The following HMGB1 variants were observed in gnomAD, a reference collection of about 807,000 sequenced individuals.
The protein encoded by HMGB1 is high mobility group box 1.
For synonymous variants in HMGB1, 81 were observed against 84.0 expected, an observed-to-expected ratio of 0.96 and a Z score of 0.19; for missense variants, 79 against 253.5, an observed-to-expected ratio of 0.31 and a Z score of 4.67.
intron 1 of HMGB1, among the ~76,000 whole-genome samples, chr13:30,496,390 G>A (rs1458102659): frequency 2.0e-5 from 3 of 152,292 alleles, no homozygotes; most frequent in Admixed American, 6.5e-5. Context: ...GGGCCTCCCC[G>A]CTGCACCCTC....
intron 1 of HMGB1, among the ~76,000 whole-genome samples, chr13:30,534,619 T>TC (rs1466573594): frequency 2.1e-5 from 3 of 144,908 alleles, no homozygotes; most frequent in African/African-American, 8.2e-5. Flanking sequence ...CAAGCTGCTT[T>TC]TTTTTTTTTT....
intron 1 of HMGB1, chr13:30,539,654 C>A: frequency 7.1e-6 from 2 of 282,018 alleles, no homozygotes; most frequent in South Asian, 1.4e-4. Flanking sequence ...AAGGATTGGT[C>A]CTGGAGTCTT....
At chr13:30,488,537 G>A (rs554612646) in intron 1 of HMGB1, among the ~76,000 whole-genome samples, 83 of 151,710 alleles carry the variant, frequency 5.5e-4, no homozygotes, top group African/African-American at 2.0e-3. Flanking sequence ...AGGCTGGAGT[G>A]CAGTGGCCCA....
intron 1 of HMGB1, among the ~76,000 whole-genome samples, chr13:30,474,935 C>CTTTTTTT (rs1195259479): frequency 3.3e-5 from 3 of 91,224 alleles, no homozygotes; most frequent in Admixed American, 1.2e-4. Context: ...CTCTCTTTCT[C>CTTTTTTT]TTTTTTTTTT....
Position 30,560,719 on chromosome 13 carries a change from A to G in HMGB1, c.-15+55952T>C, listed in dbSNP as rs536236897. On this transcript the variant is annotated intron_variant, in intron 1 of 4. Coordinates refer to the HMGB1 transcript ENST00000405805. ...GGACAGAGAATAAAGAAGAAAGGAT[A>G]GGTTCCCATGGAGATAAATTTCTAA... 4.6e-5 allele frequency among the ~76,000 whole-genome samples: 7 copies of G among 152,312 alleles called. No individual in the cohort carries two copies. In the South Asian group the frequency reaches 1.4e-3, roughly 32 times the overall value.
chr13:30,561,463 T>C (rs1869947820), intron 1 of HMGB1, among the ~76,000 whole-genome samples: 1 of 152,056 alleles, frequency 6.6e-6, no homozygotes, highest in Non-Finnish European at 1.5e-5. Context: ...AGAGGTAGGA[T>C]GGTGGACTCG....
intron 1 of HMGB1, 123 bp downstream of exon 1, chr13:30,465,673 C>G (rs914748300): frequency 1.7e-4 from 50 of 296,368 alleles, no homozygotes; most frequent in Non-Finnish European, 2.4e-4. Flanking sequence ...CCCCACGGTC[C>G]CCCCTCATTT....
chr13:30,500,532 G>A (rs1181523790), intron 1 of HMGB1, among the ~76,000 whole-genome samples: 112 of 68,894 alleles, frequency 1.6e-3, no homozygotes, highest in Admixed American at 3.2e-3. Context: ...CCCTCACCTG[G>A]CTAATTTTTT....
At chr13:30,513,095 A>G (rs1013590650) in intron 1 of HMGB1, among the ~76,000 whole-genome samples, 2 of 152,134 alleles carry the variant, frequency 1.3e-5, no homozygotes, top group Non-Finnish European at 2.9e-5. Context: ...CCTGGGAGGC[A>G]GAGGTTGTAG....
chr13:30,481,995 A>G (rs1009144987), intron 1 of HMGB1, among the ~76,000 whole-genome samples: 2 of 151,888 alleles, frequency 1.3e-5, no homozygotes, highest in Non-Finnish European at 2.9e-5. Context: ...ACGCCCAGCT[A>G]ATTTTTGTAT....
intron 1 of HMGB1, among the ~76,000 whole-genome samples, chr13:30,570,457 C>T (rs1377698949): frequency 6.6e-6 from 1 of 152,186 alleles, no homozygotes; most frequent in Non-Finnish European, 1.5e-5. Context: ...TCACTTTGAA[C>T]TTCTGCATCT....
At chr13:30,526,499 C>A (rs1191248489) in intron 1 of HMGB1, among the ~76,000 whole-genome samples, 2 of 151,868 alleles carry the variant, frequency 1.3e-5, no homozygotes, top group African/African-American at 4.8e-5. Flanking sequence ...CTGGTTCTGC[C>A]TGCATATCAT....
chr13:30,489,683 TC>T (rs2137439442), intron 1 of HMGB1, among the ~76,000 whole-genome samples: 1 of 152,250 alleles, frequency 6.6e-6, no homozygotes, highest in African/African-American at 2.4e-5. Context: ...GAATGCATGT[TC>T]TTCAGCACAG....
intron 1 of HMGB1, among the ~76,000 whole-genome samples, chr13:30,585,605 G>A (rs915305250): frequency 6.6e-6 from 1 of 152,062 alleles, no homozygotes; most frequent in African/African-American, 2.4e-5. Context: ...TTGAACCTGG[G>A]AGGTGGAGGT....
chr13:30,468,326 G>A (rs1886845867), upstream of HMGB1, among the ~76,000 whole-genome samples: 2 of 152,178 alleles, frequency 1.3e-5, no homozygotes, highest in South Asian at 4.1e-4. Flanking sequence ...TGCAATCTCG[G>A]CTCACTGCAA....
At chr13:30,529,353 G>A (rs1888446552) in intron 1 of HMGB1, among the ~76,000 whole-genome samples, 1 of 152,152 alleles carries the variant, frequency 6.6e-6, no homozygotes, top group Admixed American at 6.6e-5. Flanking sequence ...CTTATGCTGG[G>A]TCACGGATGT....
intron 1 of HMGB1, among the ~76,000 whole-genome samples, chr13:30,555,498 T>A (rs182152281): frequency 3.3e-5 from 5 of 152,308 alleles, no homozygotes; most frequent in Admixed American, 3.3e-4. Flanking sequence ...TTACTACTTG[T>A]CCCATCAGTT....
chr13:30,458,392 C>A lies in HMGB1; in HGVS notation c.*2965G>T, dbSNP rs959936235. On this transcript the variant is annotated 3_prime_UTR_variant, in exon 5 of 5. Transcript: ENST00000341423. ...TCACCCAGGCTGGAGTGCAGTGGCACAATCTCGGCTCACTGCAACCTCCGC... is the reference window on the plus strand; with the variant it reads ...TCACCCAGGCTGGAGTGCAGTGGCAAAATCTCGGCTCACTGCAACCTCCGC... The A allele has an allele frequency of 6.8e-6, 1 of 147,086 alleles. No individual in the cohort carries two copies. Among genetic ancestry groups the A allele is most frequent in the Non-Finnish European group, 1.5e-5 (1 of 67,572 alleles). The allele number at this position is 147,086 out of a possible 1,614,324, so 9.1% of individuals were successfully genotyped here.
At chr13:30,508,924 GAATT>G (rs113068638) in intron 1 of HMGB1, among the ~76,000 whole-genome samples, 176 of 152,206 alleles carry the variant, frequency 1.2e-3, no homozygotes, top group African/African-American at 4.0e-3. Context: ...ATATATTCAT[GAATT>G]AATCCAATAT....
Sources: allele counts gnomAD v4.1 joint callset (sites outside exome capture counted in the v4.1 genomes callset), GRCh38; gene constraint gnomAD v4.1.1; transcripts MANE v1.5; gene names NCBI Gene and HGNC (gene_info 2026-07-23, HGNC 2026-07-21).